The following SEMA5A variants were observed in gnomAD, a reference collection of about 807,000 sequenced individuals.
SEMA5A encodes the protein semaphorin 5A.
Under a neutral mutation model 135.5 loss-of-function variants are expected in SEMA5A, and 55 were observed. The observed-to-expected ratio is 0.41, with a 90% CI of 0.33 to 0.51. The LOEUF is 0.51. Among genes scored for constraint, SEMA5A ranks in the 20% least tolerant of loss-of-function variants. The probability of loss-of-function intolerance (pLI) is 0.37; values close to 1 mark genes in which losing one functional copy is unlikely to be tolerated. For synonymous variants in SEMA5A, 580 were observed against 546.5 expected, an observed-to-expected ratio of 1.06 and a Z score of -0.85; for missense variants, 1,290 against 1,419.9, an observed-to-expected ratio of 0.91 and a Z score of 1.47.
intron 12 of SEMA5A, among the ~76,000 whole-genome samples, chr5:9,144,233 A>G (rs1742210801): frequency 6.6e-6 from 1 of 152,188 alleles, no homozygotes; most frequent in South Asian, 2.1e-4. Context: ...TGAAGACACA[A>G]TTACTTATTT....
intron 5 of SEMA5A, among the ~76,000 whole-genome samples, chr5:9,255,415 G>A (rs746377004): frequency 2.8e-4 from 42 of 152,198 alleles, no homozygotes; most frequent in Non-Finnish European, 3.2e-4. Context: ...TTTGTTGAGC[G>A]TGAGAAACAA....
intron 2 of SEMA5A, among the ~76,000 whole-genome samples, chr5:9,430,366 A>G (rs771871228): frequency 5.9e-5 from 9 of 152,216 alleles, no homozygotes; most frequent in Admixed American, 2.0e-4. Flanking sequence ...TCTGGAGCTT[A>G]GGGATAGGTT....
At chr5:9,272,548 C>T (rs543988636) in intron 5 of SEMA5A, among the ~76,000 whole-genome samples, 2 of 152,284 alleles carry the variant, frequency 1.3e-5, no homozygotes, top group Admixed American at 1.3e-4. Context: ...GGTCCCTGAT[C>T]CCGGTGTATC....
chr5:9,048,866 T>C (rs1004469772), intron 21 of SEMA5A, among the ~76,000 whole-genome samples: 1 of 152,220 alleles, frequency 6.6e-6, no homozygotes, highest in Non-Finnish European at 1.5e-5. Flanking sequence ...CATATTCATC[T>C]TGTAGTTGGA....
In SEMA5A at chr5:9,384,661, T is replaced by TACATAGATACATAGATAGATAG. The variant is rs1214516553; in HGVS notation, c.-77-4639_-77-4638insCTATCTATCTATGTATCTATGT. 4.8e-4 allele frequency among the ~76,000 whole-genome samples: 32 copies of TACATAGATACATAGATAGATAG among 66,508 alleles called. 3 individuals are homozygous for TACATAGATACATAGATAGATAG. Among genetic ancestry groups the TACATAGATACATAGATAGATAG allele is most frequent in the South Asian group, 2.6e-3 (6 of 2,292 alleles). 43.6% of individuals were successfully genotyped at this position (66,508 alleles called of 152,430 possible). A position where few individuals can be genotyped will look rare whatever the true frequency, so the allele number is the denominator to read the frequency against. On this transcript the variant is annotated intron_variant, in intron 2 of 22. Coordinates refer to ENST00000382496, the MANE Select transcript of SEMA5A (RefSeq NM_003966.3). ...ATAGATAGATAGATAGATAGATAGA[T>TACATAGATACATAGATAGATAG]ATAGATAGATAGATATAGATAGATA...
chr5:9,442,771 G>A (rs189015705), intron 1 of SEMA5A, among the ~76,000 whole-genome samples: 19 of 152,166 alleles, frequency 1.2e-4, no homozygotes, highest in African/African-American at 4.6e-4. Context: ...TAAATAAAAA[G>A]TCAAAACATC....
intron 11 of SEMA5A, among the ~76,000 whole-genome samples, chr5:9,162,234 G>A (rs73038856): frequency 0.017 from 2,569 of 151,954 alleles, 69 homozygotes; most frequent in African/African-American, 0.059. Flanking sequence ...GAAACACTGC[G>A]GCCAACATGA....
chr5:9,115,231 G>T (rs1179389242), intron 15 of SEMA5A, among the ~76,000 whole-genome samples: 1 of 152,178 alleles, frequency 6.6e-6, no homozygotes, highest in Admixed American at 6.5e-5. Context: ...ACATTCTACT[G>T]ACAGGAAGGA....
At chr5:9,412,778 G>A (rs925888987) in intron 2 of SEMA5A, among the ~76,000 whole-genome samples, 4 of 151,970 alleles carry the variant, frequency 2.6e-5, no homozygotes, top group African/African-American at 4.8e-5. Context: ...ACAGCATTTT[G>A]ACTACAATCC....
Position 9,451,334 on chromosome 5 carries a change from G to T in SEMA5A, c.-174-13482C>A, listed in dbSNP as rs1470431958. 3.9e-5 allele frequency among the ~76,000 whole-genome samples: 6 copies of T among 152,324 alleles called. 1 individual carries two copies. The South Asian group carries it at 1.0e-3, about 26-fold the overall frequency. ...ACAAGACTCCTCATTCAAATGGAAA[G>T]CTGGCAGCATTGTTGGGGAGATGAC... On this transcript the variant is annotated intron_variant, in intron 1 of 22. Transcript: ENST00000382496.
At chr5:9,409,006 T>A (rs1391913668) in intron 2 of SEMA5A, among the ~76,000 whole-genome samples, 1 of 152,148 alleles carries the variant, frequency 6.6e-6, no homozygotes, top group African/African-American at 2.4e-5. Flanking sequence ...CGGCAAATAT[T>A]TGTTTTTCAC....
At chr5:9,218,194 G>A (rs1356079398) in intron 8 of SEMA5A, among the ~76,000 whole-genome samples, 4 of 152,056 alleles carry the variant, frequency 2.6e-5, no homozygotes, top group Non-Finnish European at 4.4e-5. Flanking sequence ...CTGCAGAACC[G>A]AAAAGTTAAA....
Position 9,039,735 on chromosome 5 carries a change from C to T in SEMA5A, c.*3162G>A, listed in dbSNP as rs568181840. 3.3e-5 allele frequency: 5 copies of T among 152,194 alleles called. No individual in the cohort carries two copies. Among genetic ancestry groups the T allele is most frequent in the African/African-American group, 4.8e-5 (2 of 41,426 alleles). The allele number at this position is 152,194 out of a possible 1,614,324, so 9.4% of individuals were successfully genotyped here. On this transcript the variant is annotated 3_prime_UTR_variant, in exon 23 of 23. Coordinates refer to ENST00000382496, the MANE Select transcript of SEMA5A (RefSeq NM_003966.3). Reference sequence around the variant, plus strand: ...TCTTCTGTGCGGTGGAGCCTGACCACGTGCCCCCTGAGTTCCTTAGAATTC... The same window carrying T: ...TCTTCTGTGCGGTGGAGCCTGACCATGTGCCCCCTGAGTTCCTTAGAATTC...
chr5:9,311,291 G>T (rs528651726), intron 5 of SEMA5A, among the ~76,000 whole-genome samples: 2 of 152,106 alleles, frequency 1.3e-5, no homozygotes, highest in South Asian at 4.2e-4. Flanking sequence ...AGGTGAAATT[G>T]TCGGAAGTTG....
At chr5:9,227,551 A>T (rs1264707019) in intron 6 of SEMA5A, among the ~76,000 whole-genome samples, 4 of 141,056 alleles carry the variant, frequency 2.8e-5, no homozygotes, top group East Asian at 4.2e-4. Flanking sequence ...ATCTATATGA[A>T]TTTTTTTTTT....
chr5:9,238,300 T>C (rs999585293), intron 5 of SEMA5A, among the ~76,000 whole-genome samples: 3 of 152,184 alleles, frequency 2.0e-5, no homozygotes, highest in Non-Finnish European at 4.4e-5. Context: ...TTTTATTTTA[T>C]TCAAATAATA....
intron 5 of SEMA5A, among the ~76,000 whole-genome samples, chr5:9,257,538 C>G (rs1380894360): frequency 6.6e-6 from 1 of 151,678 alleles, no homozygotes; most frequent in East Asian, 1.9e-4. Flanking sequence ...TCCATGAAAA[C>G]AGTCAGCATT....
chr5:9,096,804 C>CAAGGGA, intron 16 of SEMA5A, among the ~76,000 whole-genome samples: 1 of 152,170 alleles, frequency 6.6e-6, no homozygotes, highest in East Asian at 1.9e-4. Context: ...AGAAATTTCT[C>CAAGGGA]CAAAGACATA....
chr5:9,330,418 T>TG (rs1753079484), intron 4 of SEMA5A, among the ~76,000 whole-genome samples: 1 of 147,676 alleles, frequency 6.8e-6, no homozygotes, highest in African/African-American at 2.5e-5. Context: ...ACAGATTAGT[T>TG]TTTTTTGTTT....
Sources: gnomAD v4.1 joint callset for allele counts (sites outside exome capture counted in the v4.1 genomes callset) on GRCh38, gnomAD v4.1.1 for gene constraint, MANE v1.5 for transcripts, NCBI Gene and HGNC (gene_info 2026-07-23, HGNC 2026-07-21) for gene names.